The following GNA14 variants were observed in gnomAD, a reference collection of about 807,000 sequenced individuals.
The protein encoded by GNA14 is guanine nucleotide-binding protein subunit alpha-14.
Under a neutral mutation model 42.0 loss-of-function variants are expected in GNA14, and 50 were observed. The observed-to-expected ratio is 1.19, with a 90% CI of 0.95 to 1.51. The LOEUF (loss-of-function observed/expected upper bound fraction) is 1.51. Ranked by LOEUF, GNA14 falls within the 40% of genes most tolerant of loss-of-function variation. The pLI, the probability that GNA14 is intolerant of heterozygous loss-of-function variation, is 0.00. For synonymous variants in GNA14, 173 were observed against 163.1 expected (o/e 1.06, Z -0.46); for missense variants, 473 against 446.2 (o/e 1.06, Z -0.54).
At chr9:77,449,402 A>T (rs764281781) in intron 2 of GNA14, among the ~76,000 whole-genome samples, 1 of 152,368 alleles carries the variant, frequency 6.6e-6, no homozygotes, top group Non-Finnish European at 1.5e-5. Flanking sequence ...GATTCCCATT[A>T]ACAGAATTTT....
rs1203941315 is a variant in GNA14, at chr9:77,562,328, G to A, written c.125-33075C>T. Among the ~76,000 whole-genome samples the A allele has an allele frequency of 5.3e-5, 8 of 152,264 alleles. No individual in the cohort carries two copies. In the South Asian group the frequency reaches 1.0e-3, roughly 20 times the overall value. On this transcript the variant is annotated intron_variant, in intron 1 of 6. Coordinates refer to ENST00000341700, the MANE Select transcript of GNA14 (RefSeq NM_004297.4). Reference sequence around the variant, plus strand: ...TCTTAACAGGGATGGAACAGCTAACGTAGATGAGGAATGAGGATTGAGAGC... The same window carrying A: ...TCTTAACAGGGATGGAACAGCTAACATAGATGAGGAATGAGGATTGAGAGC...
At chr9:77,615,079 C>G (rs994409099) in intron 1 of GNA14, among the ~76,000 whole-genome samples, 1 of 152,206 alleles carries the variant, frequency 6.6e-6, no homozygotes, top group South Asian at 2.1e-4. Flanking sequence ...GTTCTTGGCA[C>G]AGAGAGAAAG....
At chr9:77,461,703 C>A (rs992436544) in intron 2 of GNA14, among the ~76,000 whole-genome samples, 6 of 152,016 alleles carry the variant, frequency 3.9e-5, no homozygotes, top group Non-Finnish European at 7.4e-5. Flanking sequence ...GCAATATATA[C>A]CCCCCAAACA....
chr9:77,610,843 CAG>C (rs1823718876), intron 1 of GNA14, among the ~76,000 whole-genome samples: 2 of 152,134 alleles, frequency 1.3e-5, no homozygotes, highest in African/African-American at 4.8e-5. Flanking sequence ...TATAATGGGA[CAG>C]AGAGGATTAA....
chr9:77,627,165 C>T (rs1271052767), intron 1 of GNA14, among the ~76,000 whole-genome samples: 6 of 152,244 alleles, frequency 3.9e-5, no homozygotes, highest in Non-Finnish European at 7.4e-5. Flanking sequence ...CACATACACC[C>T]TCCCAAGACT....
intron 1 of GNA14, among the ~76,000 whole-genome samples, chr9:77,585,145 C>T (rs1020302065): frequency 2.0e-5 from 3 of 152,138 alleles, no homozygotes; most frequent in Non-Finnish European, 2.9e-5. Context: ...CTGGTTCACA[C>T]GCCTCTGACA....
At chr9:77,518,209 T>C (rs555505132) in intron 2 of GNA14, 3 of 151,994 alleles carry the variant, frequency 2.0e-5, no homozygotes, top group East Asian at 1.9e-4. Flanking sequence ...CCCAAAACTG[T>C]TGAGGATAAA....
At chr9:77,531,562 G>C (rs1837529216) in intron 1 of GNA14, among the ~76,000 whole-genome samples, 1 of 152,148 alleles carries the variant, frequency 6.6e-6, no homozygotes, top group Non-Finnish European at 1.5e-5. Context: ...CTACAATCCA[G>C]TGCTAGATTA....
At chr9:77,569,782 T>C (rs1186463409) in intron 1 of GNA14, among the ~76,000 whole-genome samples, 3 of 151,940 alleles carry the variant, frequency 2.0e-5, no homozygotes, top group East Asian at 3.9e-4. Context: ...TTTTTTTTTT[T>C]TTAAGACGGA....
chr9:77,553,459 A>T (rs902149950), intron 1 of GNA14, among the ~76,000 whole-genome samples: 4 of 152,146 alleles, frequency 2.6e-5, no homozygotes, highest in Non-Finnish European at 5.9e-5. Context: ...AACTTCAATG[A>T]TCAGTTTTTT....
chr9:77,641,098 GGGGA>G (rs1824256500), intron 1 of GNA14, among the ~76,000 whole-genome samples: 2 of 17,664 alleles, frequency 1.1e-4, no homozygotes, highest in Non-Finnish European at 1.6e-4. Flanking sequence ...AGGGGAGGGG[GGGGA>G]AGGAAGGAAG....
At chr9:77,499,900 C>A (rs1836937727) in intron 2 of GNA14, among the ~76,000 whole-genome samples, 1 of 151,828 alleles carries the variant, frequency 6.6e-6, no homozygotes, top group South Asian at 2.1e-4. Flanking sequence ...AAAATGAATA[C>A]CCTGAAATAT....
chr9:77,554,323 G>A (rs1422418777), intron 1 of GNA14, among the ~76,000 whole-genome samples: 1 of 152,184 alleles, frequency 6.6e-6, no homozygotes, highest in African/African-American at 2.4e-5. Flanking sequence ...ATCACTGGGT[G>A]GTAGGCGAAC....
intron 1 of GNA14, among the ~76,000 whole-genome samples, chr9:77,623,904 C>T (rs577542072): frequency 9.9e-5 from 15 of 152,258 alleles, no homozygotes; most frequent in South Asian, 2.1e-4. Flanking sequence ...GTGCCTGGAA[C>T]GCCAGCGGCA....
intron 2 of GNA14, among the ~76,000 whole-genome samples, chr9:77,443,592 T>C (rs1202237813): frequency 6.6e-6 from 1 of 152,222 alleles, no homozygotes; most frequent in African/African-American, 2.4e-5. Flanking sequence ...CCTTCCTCTT[T>C]TCTCCAACAA....
intron 1 of GNA14, among the ~76,000 whole-genome samples, chr9:77,614,180 G>A (rs1823774446): frequency 6.6e-6 from 1 of 152,118 alleles, no homozygotes; most frequent in Non-Finnish European, 1.5e-5. Flanking sequence ...TTTTTCTCTT[G>A]TAGCTCTGCC....
At chr9:77,537,618 G>T (rs530215401) in intron 1 of GNA14, among the ~76,000 whole-genome samples, 56 of 152,294 alleles carry the variant, frequency 3.7e-4, no homozygotes, top group African/African-American at 1.2e-3. Context: ...TTGCTGGATT[G>T]TATGGTAATC....
rs547073587 is a variant in GNA14, at chr9:77,632,332, G to A, written c.124+15338C>T. On this transcript the variant is annotated intron_variant, in intron 1 of 6. Transcript: ENST00000341700. ...CAGACAGGCTCCTGGACAGGAGGTG[G>A]GTCCCTAGTGAGGGCCTGAAGGCTG... 1.5e-3 allele frequency among the ~76,000 whole-genome samples: 232 copies of A among 152,280 alleles called. 2 individuals carry two copies. The highest frequency in any genetic ancestry group is 3.4e-3 in the Middle Eastern group (1 of 294).
At chr9:77,526,532 G>A (rs1031597413) in intron 2 of GNA14, 1 of 152,290 alleles carries the variant, frequency 6.6e-6, no homozygotes, top group East Asian at 1.9e-4. Context: ...AACCAGAGAG[G>A]ACAGTGCTGT....
Sources: allele counts gnomAD v4.1 joint callset (sites outside exome capture counted in the v4.1 genomes callset), GRCh38; gene constraint gnomAD v4.1.1; transcripts MANE v1.5; gene names NCBI Gene and HGNC (gene_info 2026-07-23, HGNC 2026-07-21).